Variants in CCDC117 observed in about 807,000 individuals in gnomAD.
CCDC117 encodes the protein coiled-coil domain-containing protein 117.
A neutral mutation model predicts 23.5 loss-of-function variants in CCDC117; 1 was observed. The ratio of observed to expected loss-of-function variants is 0.04; its 90% CI spans 0.02 to 0.20. The LOEUF is 0.20. CCDC117 is among the 10% of genes least tolerant of loss of function. The probability of loss-of-function intolerance (pLI) is 1.00; values close to 1 mark genes in which losing one functional copy is unlikely to be tolerated. For synonymous variants in CCDC117, 132 were observed against 124.8 expected (o/e 1.06, Z -0.39); for missense variants, 383 against 348.2 (o/e 1.10, Z -0.80).
rs74349591 is a variant in CCDC117 at position 28,786,565 on chromosome 22, G to A, written c.*239G>A. The stretch of plus-strand genomic sequence containing the variant: ...TGTGGGGCTTATTAAAGGAATGTTG[G>A]TTTACATTGTCTTCAAAGACAAGTA... On this transcript the variant is annotated 3_prime_UTR_variant, in exon 5 of 5. Transcript: ENST00000249064. 5.3e-3 allele frequency: 2,465 copies of A among 463,758 alleles called. 51 individuals carry two copies. The highest frequency in any genetic ancestry group is 0.044 in the African/African-American group (2,257 of 51,340). The allele number at this position is 463,758 out of a possible 1,614,324, so 28.7% of individuals were successfully genotyped here.
chr22:28,778,651 T>C (rs1351055831), intron 2 of CCDC117, among the ~76,000 whole-genome samples: 2 of 152,154 alleles, frequency 1.3e-5, no homozygotes, highest in Non-Finnish European at 1.5e-5. Flanking sequence ...GGTTCTCTCT[T>C]AAGATGTTAT....
chr22:28,773,984 T>A (rs2031081360), intron 2 of CCDC117, among the ~76,000 whole-genome samples: 1 of 152,218 alleles, frequency 6.6e-6, no homozygotes, highest in Non-Finnish European at 1.5e-5. Context: ...TATAACAAGT[T>A]GTAATATTTG....
At chr22:28,778,692 TTAAAG>T (rs1337196633) in intron 2 of CCDC117, among the ~76,000 whole-genome samples, 18 of 152,204 alleles carry the variant, frequency 1.2e-4, no homozygotes, top group African/African-American at 3.4e-4. Context: ...AATAAAAAGT[TTAAAG>T]TATAGAAACT....
chr22:28,776,833 C>T (rs547232280), intron 2 of CCDC117, among the ~76,000 whole-genome samples: 1 of 152,342 alleles, frequency 6.6e-6, no homozygotes, highest in South Asian at 2.1e-4. Context: ...ATCCTCTCGC[C>T]TTGGCCTCCC....
intron 2 of CCDC117, among the ~76,000 whole-genome samples, chr22:28,774,881 T>G (rs546593995): frequency 6.6e-6 from 1 of 152,344 alleles, no homozygotes; most frequent in Admixed American, 6.5e-5. Flanking sequence ...TGGTTCACAC[T>G]GTGCAACACA....
At chr22:28,774,510 T>C (rs1303465883) in intron 2 of CCDC117, among the ~76,000 whole-genome samples, 2 of 150,800 alleles carry the variant, frequency 1.3e-5, no homozygotes, top group African/African-American at 4.9e-5. Flanking sequence ...CAGCTGAGAC[T>C]ACAGACTTGT....
At position 28,788,570 on chromosome 22, in the gene CCDC117, G is replaced by A. The variant is rs1455268171; in HGVS notation, c.*2244G>A. The A allele has an allele frequency of 6.6e-6, 1 of 152,600 alleles. No homozygotes were observed. Among genetic ancestry groups the A allele is most frequent in the Non-Finnish European group, 1.5e-5 (1 of 68,034 alleles). The allele number at this position is 152,600 out of a possible 1,614,324, so 9.5% of individuals were successfully genotyped here. On this transcript the variant is annotated 3_prime_UTR_variant, in exon 5 of 5. Coordinates refer to ENST00000249064, the MANE Select transcript of CCDC117 (RefSeq NM_173510.4). ...ATCTGTTAATTAAAATCCAAACAGA[G>A]CTTATTTCAGTAGTCAAGTTACCTG...
At chr22:28,782,427 T>G (rs999630195) in intron 3 of CCDC117, among the ~76,000 whole-genome samples, 7 of 147,804 alleles carry the variant, frequency 4.7e-5, no homozygotes, top group Non-Finnish European at 3.1e-5. Flanking sequence ...CCTGGCCAAA[T>G]TTTTTTTTGT....
At position 28,784,236 on chromosome 22, in the gene CCDC117, A is replaced by G. The variant is rs2031442470; in HGVS notation, c.602+591A>G. 2.6e-5 allele frequency among the ~76,000 whole-genome samples: 4 copies of G among 152,224 alleles called. No individual in the cohort carries two copies. In the South Asian group the frequency reaches 8.3e-4, roughly 32 times the overall value. On this transcript the variant is annotated intron_variant, in intron 4 of 4. Transcript: ENST00000249064. ...TGAGAGCAGAACAAACAAAACTCCT[A>G]ACAGGGAGCTGTGACTACACTGTGA...
Position 28,772,984 on chromosome 22 carries a change from G to C in CCDC117, c.135G>C (p.Pro45=). The change falls in exon 1 of 5, where the codon CCG becomes CCC. Residue 45 remains proline (P), a synonymous_variant. Transcript: ENST00000249064. ...GADGAELAPR[P]GPRAVPSSPA... ...ACGGCGCCGAGTTGGCCCCGCGGCCGGGACCTCGCGCAGTCCCTAGCAGTC... is the reference window on the plus strand; with the variant it reads ...ACGGCGCCGAGTTGGCCCCGCGGCCCGGACCTCGCGCAGTCCCTAGCAGTC... The C allele has an allele frequency of 1.7e-6, 2 of 1,200,532 alleles. No individual in the cohort carries two copies. The highest frequency in any genetic ancestry group is 8.2e-5 in the South Asian group (2 of 24,486). The allele number at this position is 1,200,532 out of a possible 1,614,324, so 74.4% of individuals were successfully genotyped here.
chr22:28,774,891 A>G (rs947461849), intron 2 of CCDC117, among the ~76,000 whole-genome samples: 4 of 152,132 alleles, frequency 2.6e-5, no homozygotes, highest in Admixed American at 2.6e-4. Context: ...TGTGCAACAC[A>G]TTGATCTTTT....
intron 4 of CCDC117, among the ~76,000 whole-genome samples, chr22:28,785,343 C>G (rs536210984): frequency 1.3e-5 from 2 of 152,202 alleles, no homozygotes; most frequent in African/African-American, 4.8e-5. Context: ...CACCTGCTAC[C>G]ACACCCAGCT....
intron 2 of CCDC117, among the ~76,000 whole-genome samples, chr22:28,779,502 G>A (rs890854943): frequency 3.3e-5 from 5 of 151,932 alleles, no homozygotes; most frequent in African/African-American, 9.7e-5. Flanking sequence ...TACCGTGTCC[G>A]GCCTAAAATA....
chr22:28,775,633 T>C (rs553744196), intron 2 of CCDC117, among the ~76,000 whole-genome samples: 2 of 152,212 alleles, frequency 1.3e-5, no homozygotes, highest in African/African-American at 2.4e-5. Flanking sequence ...GCGCGGTGGC[T>C]CACACCTGTA....
intron 2 of CCDC117, among the ~76,000 whole-genome samples, chr22:28,776,810 C>T (rs914538146): frequency 6.6e-6 from 1 of 151,916 alleles, no homozygotes; most frequent in Admixed American, 6.6e-5. Context: ...TCTGGAACTT[C>T]CGACTTCGGA....
intron 2 of CCDC117, among the ~76,000 whole-genome samples, chr22:28,777,710 A>G (rs909051448): frequency 1.3e-5 from 2 of 151,640 alleles, no homozygotes; most frequent in African/African-American, 4.8e-5. Context: ...GGGTTTCACC[A>G]TGTTAGTCAG....
Position 28,786,208 on chromosome 22 carries a change from C to T in CCDC117, c.722C>T (p.Ala241Val), listed in dbSNP as rs748521988. The T allele has an allele frequency of 6.2e-7, 1 of 1,614,090 alleles. No homozygotes were observed. The highest frequency in any genetic ancestry group is 1.1e-5 in the South Asian group (1 of 91,082). Reference protein sequence around the residue: ...YTGESQAKHVAAGTAFPQRTE... With the variant: ...YTGESQAKHVVAGTAFPQRTE... ...GGAGAGAGCCAAGCTAAGCATGTAG[C>T]TGCTGGCACTGCCTTCCCTCAGAGA... is the stretch of plus-strand genomic sequence containing the variant. The change falls in exon 5 of 5, where the codon GCT becomes GTT. Residue 241 changes from alanine (A) to valine (V), a missense_variant. Physicochemically the swap from Ala to Val is moderately conservative, Grantham distance 64 (BLOSUM62 0). Coordinates refer to ENST00000249064, the MANE Select transcript of CCDC117 (RefSeq NM_173510.4).
At chr22:28,780,845 A>G in intron 2 of CCDC117, 103 bp from the exon 3 acceptor site, 1 of 807,024 alleles carries the variant, frequency 1.2e-6, no homozygotes, top group South Asian at 1.8e-5. Flanking sequence ...ACTTGTCAAA[A>G]AAGCTAGTTT....
chr22:28,783,405 C>A, intron 3 of CCDC117, 103 bp from the exon 4 acceptor site: 1 of 1,141,198 alleles, frequency 8.8e-7, no homozygotes, highest in South Asian at 1.5e-5. Flanking sequence ...GTATTACTTA[C>A]TGCTTTTATC....
Sources: gnomAD v4.1 joint callset for allele counts (sites outside exome capture counted in the v4.1 genomes callset) on GRCh38, gnomAD v4.1.1 for gene constraint, MANE v1.5 for transcripts, NCBI Gene and HGNC (gene_info 2026-07-23, HGNC 2026-07-21) for gene names.